NDUFS4: variants seen among roughly 807,000 people sequenced by gnomAD.
NDUFS4 encodes the protein NADH dehydrogenase [ubiquinone] iron-sulfur protein 4, mitochondrial.
A neutral mutation model predicts 24.3 loss-of-function variants in NDUFS4; 28 were observed. The ratio of observed to expected loss-of-function variants is 1.15; its 90% CI spans 0.85 to 1.58. NDUFS4 has a LOEUF of 1.58. Ranked by LOEUF, NDUFS4 falls within the 40% of genes most tolerant of loss-of-function variation. NDUFS4 has a pLI of 0.00. For synonymous variants in NDUFS4, 93 were observed against 69.7 expected, an observed-to-expected ratio of 1.34 and a Z score of -1.67; for missense variants, 223 against 207.9, an observed-to-expected ratio of 1.07 and a Z score of -0.45.
intron 4 of NDUFS4, among the ~76,000 whole-genome samples, chr5:53,668,142 A>G (rs1207323434): frequency 6.6e-6 from 1 of 152,258 alleles, no homozygotes; most frequent in Non-Finnish European, 1.5e-5. Context: ...ATCACTTATC[A>G]AATTGTATTT....
intron 1 of NDUFS4, among the ~76,000 whole-genome samples, chr5:53,565,629 T>C (rs1748995470): frequency 6.6e-6 from 1 of 152,232 alleles, no homozygotes; most frequent in South Asian, 2.1e-4. Flanking sequence ...AATATGAAGA[T>C]AAACTATCTA....
intron 1 of NDUFS4, among the ~76,000 whole-genome samples, chr5:53,600,751 G>A (rs1329217034): frequency 6.6e-6 from 1 of 152,134 alleles, no homozygotes; most frequent in Non-Finnish European, 1.5e-5. Context: ...TTAGAGGGTA[G>A]TTTCTTATCA....
intron 1 of NDUFS4, among the ~76,000 whole-genome samples, chr5:53,593,945 T>C (rs1216440811): frequency 6.6e-6 from 1 of 152,146 alleles, no homozygotes; most frequent in African/African-American, 2.4e-5. Flanking sequence ...AGTTAAGGTA[T>C]GTTTTATGTC....
Position 53,662,013 on chromosome 5 carries a change from G to A in NDUFS4, c.424+3389G>A, listed in dbSNP as rs577336492. On this transcript the variant is annotated intron_variant, in intron 4 of 4. Transcript: ENST00000296684. ...TTCCTTCTCCTGCCTGATTGCCCTGGCCAGAACTTCCAACACTATGTTGAA... is the reference window on the plus strand; with the variant it reads ...TTCCTTCTCCTGCCTGATTGCCCTGACCAGAACTTCCAACACTATGTTGAA... 6.4e-3 allele frequency among the ~76,000 whole-genome samples: 969 copies of A among 152,168 alleles called. 12 individuals carry two copies. Among genetic ancestry groups the A allele is most frequent in the African/African-American group, 0.022 (895 of 41,500 alleles).
intron 2 of NDUFS4, among the ~76,000 whole-genome samples, chr5:53,632,450 C>T (rs144808895): frequency 6.6e-6 from 1 of 152,140 alleles, no homozygotes; most frequent in African/African-American, 2.4e-5. Flanking sequence ...CATTACTTGT[C>T]CCACTTCACA....
chr5:53,576,041 A>G (rs576426572), intron 1 of NDUFS4, among the ~76,000 whole-genome samples: 1 of 152,364 alleles, frequency 6.6e-6, no homozygotes, highest in African/African-American at 2.4e-5. Flanking sequence ...TCACTGGTTT[A>G]GACCATCAAA....
chr5:53,646,462 T>C lies in NDUFS4; in HGVS notation c.350+57T>C, dbSNP rs577725457. On this transcript the variant is annotated intron_variant, in intron 3 of 4. Transcript: ENST00000296684. ...AGCTATCTTTTTCTATGTAGATCTT[T>C]CTTCTAAATATGATTTTCAAACTCT... The C allele has an allele frequency of 3.5e-4, 549 of 1,561,334 alleles. 7 individuals carry two copies. In the South Asian group the frequency reaches 5.9e-3, roughly 17 times the overall value.
chr5:53,578,489 G>A (rs570472721), intron 1 of NDUFS4, among the ~76,000 whole-genome samples: 3 of 152,172 alleles, frequency 2.0e-5, no homozygotes, highest in Admixed American at 6.5e-5. Flanking sequence ...TATTGGACCC[G>A]TCATGTCAGT....
chr5:53,588,359 C>T (rs948708812), intron 1 of NDUFS4, among the ~76,000 whole-genome samples: 3 of 152,086 alleles, frequency 2.0e-5, no homozygotes, highest in Admixed American at 6.6e-5. Flanking sequence ...TTTGTTTCTC[C>T]GCACACCAGC....
chr5:53,574,767 TTTG>T (rs1410152865), intron 1 of NDUFS4, among the ~76,000 whole-genome samples: 3 of 152,350 alleles, frequency 2.0e-5, no homozygotes, highest in East Asian at 1.9e-4. Context: ...CTTTCTTTTT[TTTG>T]TTATTTATTT....
chr5:53,636,305 C>G (rs1751549671), intron 2 of NDUFS4, among the ~76,000 whole-genome samples: 1 of 152,174 alleles, frequency 6.6e-6, no homozygotes. Flanking sequence ...AAGTTTCTAT[C>G]AATTTATCCA....
intron 1 of NDUFS4, among the ~76,000 whole-genome samples, chr5:53,591,689 C>T (rs1749965140): frequency 6.6e-6 from 1 of 152,236 alleles, no homozygotes; most frequent in South Asian, 2.1e-4. Flanking sequence ...ATTTCGCATT[C>T]CCACCAGCGA....
intron 4 of NDUFS4, among the ~76,000 whole-genome samples, chr5:53,671,057 A>G (rs1740209671): frequency 6.6e-6 from 1 of 151,958 alleles, no homozygotes. Flanking sequence ...TAGTATCTTT[A>G]TAGTAGAGAT....
At chr5:53,642,868 G>A (rs1751743160) in intron 2 of NDUFS4, among the ~76,000 whole-genome samples, 1 of 152,030 alleles carries the variant, frequency 6.6e-6, no homozygotes, top group Non-Finnish European at 1.5e-5. Flanking sequence ...ATGAACTTTG[G>A]AATTATGACA....
intron 1 of NDUFS4, among the ~76,000 whole-genome samples, chr5:53,592,481 C>T (rs574864333): frequency 6.6e-5 from 10 of 152,172 alleles, no homozygotes; most frequent in African/African-American, 2.4e-4. Flanking sequence ...CCCAAGGTCA[C>T]CTAGATTTTC....
intron 2 of NDUFS4, among the ~76,000 whole-genome samples, chr5:53,610,392 G>A (rs1468017293): frequency 6.6e-6 from 1 of 151,976 alleles, no homozygotes; most frequent in African/African-American, 2.4e-5. Flanking sequence ...CAAAGATCAC[G>A]GATCACAGAG....
In NDUFS4 at chr5:53,600,234, G is replaced by C. The variant is rs145454389; in HGVS notation, c.99-3218G>C. 9.1e-3 allele frequency among the ~76,000 whole-genome samples: 1,389 copies of C among 152,062 alleles called. 17 individuals are homozygous for C. The highest frequency in any genetic ancestry group is 0.032 in the African/African-American group (1,315 of 41,482). On this transcript the variant is annotated intron_variant, in intron 1 of 4. Coordinates refer to ENST00000296684, the MANE Select transcript of NDUFS4 (RefSeq NM_002495.4). ...GGTTGGTCTGGAACTCCTGAACTTA[G>C]GTGATCCGCCATCCTCGGCCTCCCA...
intron 1 of NDUFS4, among the ~76,000 whole-genome samples, chr5:53,566,041 C>T (rs529005551): frequency 1.1e-4 from 17 of 152,160 alleles, no homozygotes; most frequent in Non-Finnish European, 2.4e-4. Flanking sequence ...GGTGCGGTGG[C>T]GGGTGCCTGT....
intron 4 of NDUFS4, among the ~76,000 whole-genome samples, chr5:53,678,168 A>G (rs924585429): frequency 3.3e-5 from 5 of 151,534 alleles, no homozygotes; most frequent in Admixed American, 2.6e-4. Flanking sequence ...TCCACTCACA[A>G]TGTGGAGATC....
Sources: allele counts gnomAD v4.1 joint callset (sites outside exome capture counted in the v4.1 genomes callset), GRCh38; gene constraint gnomAD v4.1.1; transcripts MANE v1.5; gene names NCBI Gene and HGNC (gene_info 2026-07-23, HGNC 2026-07-21).